PCDHA7: variants seen among roughly 807,000 people sequenced by gnomAD.
The protein encoded by PCDHA7 is protocadherin alpha-7.
PCDHA7 carries 37 observed loss-of-function variants against 57.2 expected under a neutral mutation model. The observed-to-expected ratio is 0.65, with a 90% CI of 0.50 to 0.85. The LOEUF is 0.85. Ranked by LOEUF, PCDHA7 falls within the 40% of genes least tolerant of loss-of-function variation. The pLI is 0.00. For synonymous variants in PCDHA7, 553 were observed against 558.8 expected (o/e 0.99, Z 0.15); for missense variants, 1,188 against 1,241.8 (o/e 0.96, Z 0.65).
chr5:140,928,712 GT>G (rs782592622), intron 1 of PCDHA7: 1 of 1,614,168 alleles, frequency 6.2e-7, no homozygotes, highest in Non-Finnish European at 8.5e-7. Context: ...TCTGACTCTA[GT>G]CTCTTTAGAA....
intron 1 of PCDHA7, among the ~76,000 whole-genome samples, chr5:140,931,210 G>A (rs1326851548): frequency 6.6e-6 from 1 of 152,064 alleles, no homozygotes; most frequent in African/African-American, 2.4e-5. Flanking sequence ...TAGTATTTCA[G>A]GTATCAGAGC....
chr5:140,944,334 C>T (rs547924304), intron 1 of PCDHA7, among the ~76,000 whole-genome samples: 131 of 152,138 alleles, frequency 8.6e-4, no homozygotes, highest in African/African-American at 3.0e-3. Flanking sequence ...ATTACAAGCA[C>T]GTGCCACCAC....
intron 3 of PCDHA7, among the ~76,000 whole-genome samples, chr5:140,994,257 G>A (rs1232863771): frequency 6.6e-6 from 1 of 152,122 alleles, no homozygotes; most frequent in East Asian, 1.9e-4. Context: ...AGGTAAATAA[G>A]GTAAGCTAGG....
chr5:140,850,260 G>A lies in PCDHA7; in HGVS notation c.2355+13522G>A, dbSNP rs371305325. ...GGTGCTGCGGTCGGTGGGCGCCGGC[G>A]TAGTGGTGGGGAAGGTGCGCGCAGT... On this transcript the variant is annotated intron_variant, in intron 1 of 3. Coordinates refer to ENST00000525929, the MANE Select transcript of PCDHA7 (RefSeq NM_018910.3). 17 of 1,594,256 alleles carry A rather than the reference G, an allele frequency of 1.1e-5. 2 individuals are homozygous for A. The highest frequency in any genetic ancestry group is 4.0e-5 in the African/African-American group (3 of 74,174).
At chr5:140,897,028 A>G (rs2065844542) in intron 1 of PCDHA7, among the ~76,000 whole-genome samples, 2 of 152,046 alleles carry the variant, frequency 1.3e-5, no homozygotes, top group Admixed American at 6.6e-5. Context: ...AATTATTTAG[A>G]CCATAGTCAC....
chr5:140,852,319 C>T (rs2150515438), intron 1 of PCDHA7: 6 of 325,372 alleles, frequency 1.8e-5, no homozygotes, highest in Non-Finnish European at 2.8e-5. Context: ...TTTCTGCCAC[C>T]CAGGCTGGAG....
Position 140,883,339 on chromosome 5 carries a change from C to A in PCDHA7, c.2355+46601C>A, listed in dbSNP as rs142984869. 95 of 1,614,172 alleles carry A rather than the reference C, an allele frequency of 5.9e-5. No individual in the cohort carries two copies. The African/African-American group carries it at 1.1e-3, about 19-fold the overall frequency. ...AGGTTACCATCACTTCTTTGTCACTCCCCATCAGAGAAGACACTCAGCCTA... is the reference window on the plus strand; with the variant it reads ...AGGTTACCATCACTTCTTTGTCACTACCCATCAGAGAAGACACTCAGCCTA... On this transcript the variant is annotated intron_variant, in intron 1 of 3. Coordinates refer to ENST00000525929, the MANE Select transcript of PCDHA7 (RefSeq NM_018910.3).
At chr5:140,845,850 G>C (rs2150381822) in intron 1 of PCDHA7, among the ~76,000 whole-genome samples, 1 of 149,860 alleles carries the variant, frequency 6.7e-6, no homozygotes, top group East Asian at 1.9e-4. Flanking sequence ...GAGAAAAGAA[G>C]TTAGTGATTG....
chr5:140,968,635 T>C, intron 1 of PCDHA7: 1 of 1,614,190 alleles, frequency 6.2e-7, no homozygotes, highest in East Asian at 2.2e-5. Context: ...TTTTTTACCA[T>C]CTAGCCCAGA....
Position 140,836,559 on chromosome 5 carries a change from CCGT to C in PCDHA7, c.2178_2180del (p.Ser728del). 6.2e-7 allele frequency: 1 copy of C among 1,613,740 alleles called. No individual in the cohort carries two copies. The highest frequency in any genetic ancestry group is 8.5e-7 in the Non-Finnish European group (1 of 1,179,838). On this transcript the variant is annotated inframe_deletion, in exon 1 of 4. Transcript: ENST00000525929. ...GTACACGGCGTTGCGGTGCTCAGCG[CCGT>C]CCTCTGAGGGCGCATGTAGTTTGGT... is the stretch of plus-strand genomic sequence containing the variant.
At chr5:140,996,795 C>G (rs1554255407) in intron 3 of PCDHA7, among the ~76,000 whole-genome samples, 1 of 152,170 alleles carries the variant, frequency 6.6e-6, no homozygotes, top group East Asian at 1.9e-4. Flanking sequence ...CTCCCTACAT[C>G]CAATCATGCT....
intron 1 of PCDHA7, chr5:140,854,217 C>A: frequency 6.6e-6 from 4 of 607,972 alleles, no homozygotes; most frequent in Middle Eastern, 8.4e-4. Context: ...CAATATTGGA[C>A]ATCTACATTG....
Position 140,876,248 on chromosome 5 carries a change from CAA to C in PCDHA7, c.2355+39511_2355+39512del, listed in dbSNP as rs782415667. On this transcript the variant is annotated intron_variant, in intron 1 of 3. Transcript: ENST00000525929. ...TTGTCTGAAAATGTCCAAAACGACA[CAA>C]GAGTGATCCAACTAAATGCTTCCGA... 1.9e-6 allele frequency: 3 copies of C among 1,613,868 alleles called. No homozygotes were observed. In the East Asian group the frequency reaches 6.7e-5, roughly 36 times the overall value.
At chr5:141,009,150 G>T (rs1588228136) in intron 3 of PCDHA7, among the ~76,000 whole-genome samples, 1 of 152,300 alleles carries the variant, frequency 6.6e-6, no homozygotes, top group African/African-American at 2.4e-5. Context: ...CTGCCCTCTT[G>T]CTTGTCTGTA....
At chr5:140,919,417 T>C (rs782439186) in intron 1 of PCDHA7, among the ~76,000 whole-genome samples, 16 of 152,226 alleles carry the variant, frequency 1.1e-4, no homozygotes, top group Admixed American at 5.2e-4. Context: ...AGACTGACAA[T>C]TCTGCCTTTT....
intron 1 of PCDHA7, among the ~76,000 whole-genome samples, chr5:140,977,523 C>G (rs1393138256): frequency 2.0e-5 from 3 of 152,070 alleles, no homozygotes; most frequent in African/African-American, 7.2e-5. Flanking sequence ...AACTTGAAAA[C>G]AAAGGAGGAA....
At chr5:140,968,661 T>C (rs1554230945) in intron 1 of PCDHA7, 1 of 1,614,182 alleles carries the variant, frequency 6.2e-7, no homozygotes, top group East Asian at 2.2e-5. Flanking sequence ...GACCTGGACC[T>C]CTTTAAGGTA....
At chr5:140,878,731 A>G (rs1037542413) in intron 1 of PCDHA7, among the ~76,000 whole-genome samples, 3 of 152,370 alleles carry the variant, frequency 2.0e-5, no homozygotes, top group South Asian at 4.1e-4. Flanking sequence ...TTCCAGCCTT[A>G]TATCTACTTT....
In PCDHA7 at chr5:140,841,967, G is replaced by T. The variant is rs1270523059; in HGVS notation, c.2355+5229G>T. On this transcript the variant is annotated intron_variant, in intron 1 of 3. Coordinates refer to ENST00000525929, the MANE Select transcript of PCDHA7 (RefSeq NM_018910.3). Reference sequence around the variant, plus strand: ...GCACCACTTATTCCTGACAGCCACAGATGGGGGCAAACCTGAGCTCACAGG... The same window carrying T: ...GCACCACTTATTCCTGACAGCCACATATGGGGGCAAACCTGAGCTCACAGG... The T allele has an allele frequency of 4.3e-6, 7 of 1,613,816 alleles. No homozygotes were observed. The Admixed American group carries it at 1.2e-4, about 27-fold the overall frequency.
Sources: allele counts gnomAD v4.1 joint callset (sites outside exome capture counted in the v4.1 genomes callset), GRCh38; gene constraint gnomAD v4.1.1; transcripts MANE v1.5; gene names NCBI Gene and HGNC (gene_info 2026-07-23, HGNC 2026-07-21).